AGMO: variants seen among roughly 807,000 people sequenced by gnomAD.
AGMO encodes alkylglycerol monooxygenase.
AGMO carries 75 observed loss-of-function variants against 60.2 expected under a neutral mutation model. The ratio of observed to expected loss-of-function variants is 1.25; its 90% CI spans 1.03 to 1.51. The LOEUF is 1.51. AGMO is among the 40% of genes most tolerant of loss of function. The probability of loss-of-function intolerance (pLI) is 0.00; values close to 1 mark genes in which losing one functional copy is unlikely to be tolerated. For missense variants in AGMO, 763 were observed against 525.5 expected, an observed-to-expected ratio of 1.45 and a Z score of -4.42; for synonymous variants, 261 against 177.1, an observed-to-expected ratio of 1.47 and a Z score of -3.76.
the AGMO span, among the ~76,000 whole-genome samples, chr7:15,140,854 A>G: frequency 6.6e-6 from 1 of 151,982 alleles, no homozygotes; most frequent in Non-Finnish European, 1.5e-5. Flanking sequence ...GATAATTCTG[A>G]TATCTGTAAT....
intron 12 of AGMO, among the ~76,000 whole-genome samples, chr7:15,357,356 G>A (rs1045868879): frequency 3.9e-5 from 6 of 151,922 alleles, no homozygotes; most frequent in African/African-American, 1.2e-4. Context: ...CATTTAGGAT[G>A]ACTTCAGACA....
chr7:15,162,277 G>C, the AGMO span, among the ~76,000 whole-genome samples: 1 of 152,126 alleles, frequency 6.6e-6, no homozygotes, highest in Non-Finnish European at 1.5e-5. Context: ...ATTTATAGCA[G>C]TGTGAAAATG....
chr7:15,553,899 C>A (rs1167328164), intron 2 of AGMO, among the ~76,000 whole-genome samples: 1 of 152,086 alleles, frequency 6.6e-6, no homozygotes, highest in Non-Finnish European at 1.5e-5. Context: ...CCCCCCACCA[C>A]ATCCCACACA....
intron 12 of AGMO, among the ~76,000 whole-genome samples, chr7:15,298,765 C>CCT (rs1469045713): frequency 6.6e-6 from 1 of 152,038 alleles, no homozygotes; most frequent in Admixed American, 6.6e-5. Flanking sequence ...GTCATACCTG[C>CCT]CTCCAATCTA....
At chr7:15,149,880 C>A in the AGMO span, among the ~76,000 whole-genome samples, 1 of 152,062 alleles carries the variant, frequency 6.6e-6, no homozygotes, top group Non-Finnish European at 1.5e-5. Flanking sequence ...ATAGGAATAA[C>A]ATTGAATCTG....
chr7:15,447,156 T>C (rs1562511842), intron 3 of AGMO, among the ~76,000 whole-genome samples: 2 of 152,222 alleles, frequency 1.3e-5, no homozygotes, highest in Non-Finnish European at 2.9e-5. Flanking sequence ...AGTCAAAGTT[T>C]CCTCTATCAT....
intron 3 of AGMO, among the ~76,000 whole-genome samples, chr7:15,511,648 C>G (rs1180056646): frequency 6.6e-6 from 1 of 152,002 alleles, no homozygotes; most frequent in Non-Finnish European, 1.5e-5. Context: ...TCCCATCCCC[C>G]AAAAGTAACT....
chr7:15,161,047 C>A, the AGMO span, among the ~76,000 whole-genome samples: 1 of 152,086 alleles, frequency 6.6e-6, no homozygotes, highest in Admixed American at 6.6e-5. Flanking sequence ...CCCACTTGCA[C>A]AATAATGAAC....
At chr7:15,238,978 T>C (rs1251360337) in intron 12 of AGMO, among the ~76,000 whole-genome samples, 1 of 152,136 alleles carries the variant, frequency 6.6e-6, no homozygotes, top group Non-Finnish European at 1.5e-5. Context: ...TTTGAAGTAT[T>C]ATCCGCCATT....
intron 12 of AGMO, among the ~76,000 whole-genome samples, chr7:15,271,383 C>A (rs1020426529): frequency 1.3e-5 from 2 of 152,078 alleles, no homozygotes; most frequent in African/African-American, 2.4e-5. Context: ...GACCTTTCAG[C>A]TTCTTGGTTA....
intron 12 of AGMO, among the ~76,000 whole-genome samples, chr7:15,275,176 G>A (rs1031492673): frequency 6.6e-6 from 1 of 151,978 alleles, no homozygotes; most frequent in African/African-American, 2.4e-5. Flanking sequence ...TTTAAGGTAG[G>A]CATTTAACAC....
the AGMO span, among the ~76,000 whole-genome samples, chr7:15,187,628 G>A: frequency 6.6e-6 from 1 of 152,050 alleles, no homozygotes; most frequent in Non-Finnish European, 1.5e-5. Context: ...GCTGCCAGTG[G>A]GAAGTGTGCA....
intron 12 of AGMO, among the ~76,000 whole-genome samples, chr7:15,211,527 G>A (rs1269789388): frequency 2.6e-5 from 4 of 151,362 alleles, no homozygotes; most frequent in Admixed American, 2.6e-4. Context: ...TTTCTATTAT[G>A]GACCCTGTCC....
Position 15,537,730 on chromosome 7 carries a change from CT to C in AGMO, c.409+7041del, listed in dbSNP as rs556292257. On this transcript the variant is annotated intron_variant, in intron 3 of 12. Coordinates refer to ENST00000342526, the MANE Select transcript of AGMO (RefSeq NM_001004320.2). ...ACAAACCCTTGATAATAGCCATAAT[CT>C]TTTTTTCAAATGTACTTTCTATACA... is the stretch of plus-strand genomic sequence containing the variant. 9.9e-5 allele frequency among the ~76,000 whole-genome samples: 15 copies of C among 152,116 alleles called. No individual in the cohort carries two copies. In the South Asian group the frequency reaches 1.9e-3, roughly 19 times the overall value.
At chr7:15,367,438 T>C (rs1226120278) in intron 10 of AGMO, among the ~76,000 whole-genome samples, 1 of 152,060 alleles carries the variant, frequency 6.6e-6, no homozygotes, top group Non-Finnish European at 1.5e-5. Flanking sequence ...GCAGAGTAGT[T>C]GTCATTATAT....
chr7:15,135,850 T>C, the AGMO span, among the ~76,000 whole-genome samples: 1 of 151,958 alleles, frequency 6.6e-6, no homozygotes, highest in Non-Finnish European at 1.5e-5. Flanking sequence ...CTTTCCCTTC[T>C]TCCAGCTGTC....
chr7:15,184,288 A>G, the AGMO span, among the ~76,000 whole-genome samples: 2 of 55,788 alleles, frequency 3.6e-5, no homozygotes, highest in Non-Finnish European at 1.0e-4. Context: ...AAAGGAAGGA[A>G]GGAAGGGAGG....
intron 12 of AGMO, among the ~76,000 whole-genome samples, chr7:15,330,521 G>A (rs1781467680): frequency 1.3e-5 from 2 of 152,114 alleles, no homozygotes; most frequent in African/African-American, 4.8e-5. Flanking sequence ...TTGGATTTGT[G>A]TTACTAGAAA....
At chr7:15,256,393 A>T (rs1487551107) in intron 12 of AGMO, among the ~76,000 whole-genome samples, 6 of 151,876 alleles carry the variant, frequency 4.0e-5, no homozygotes, top group East Asian at 1.9e-4. Context: ...CCCAGGCTGG[A>T]GTACGGTGGC....
Sources: allele counts gnomAD v4.1 joint callset (sites outside exome capture counted in the v4.1 genomes callset), GRCh38; gene constraint gnomAD v4.1.1; transcripts MANE v1.5; gene names NCBI Gene and HGNC (gene_info 2026-07-23, HGNC 2026-07-21).